Variants in C12orf43 observed in about 807,000 individuals in gnomAD.
The protein encoded by C12orf43 is chromosome 12 open reading frame 43.
C12orf43 carries 15 observed loss-of-function variants against 20.6 expected under a neutral mutation model. That is an observed-to-expected ratio of 0.73 (90% CI 0.49 to 1.12). The LOEUF (loss-of-function observed/expected upper bound fraction) is 1.12. Among genes scored for constraint, C12orf43 ranks in the 50% most tolerant of loss-of-function variants. The pLI is 0.00. For missense variants in C12orf43, 334 were observed against 344.4 expected (o/e 0.97, Z 0.24); for synonymous variants, 144 against 130.8 (o/e 1.10, Z -0.69).
intron 3 of C12orf43, among the ~76,000 whole-genome samples, chr12:121,008,436 A>G (rs900405641): frequency 3.9e-5 from 6 of 152,166 alleles, no homozygotes; most frequent in African/African-American, 1.4e-4. Context: ...CGCCTGGCCT[A>G]AGGTATCATT....
In C12orf43 at chr12:121,006,056, A is replaced by C; in HGVS notation, c.361+265T>G. ...ACATAGCGAGATCCTGTCTCTAAAA[A>C]ACATAAATAATTAGCCAGGGGTGGT... On this transcript the variant is annotated intron_variant, in intron 4 of 5. Coordinates refer to ENST00000288757, the MANE Select transcript of C12orf43 (RefSeq NM_022895.3). 5 of 376,290 alleles carry C rather than the reference A, an allele frequency of 1.3e-5. 1 individual carries two copies. The South Asian group carries it at 1.4e-4, about 11-fold the overall frequency. The allele number at this position is 376,290 out of a possible 1,614,324, so 23.3% of individuals were successfully genotyped here.
Position 121,001,361 on chromosome 12 carries a change from G to C in C12orf43, c.*2792C>G. 1.2e-6 allele frequency: 1 copy of C among 856,146 alleles called. No homozygotes were observed. Among genetic ancestry groups the C allele is most frequent in the East Asian group, 2.7e-5 (1 of 37,426 alleles). 53.0% of individuals were successfully genotyped at this position (856,146 alleles called of 1,614,324 possible). A position where few individuals can be genotyped will look rare whatever the true frequency, so the allele number is the denominator to read the frequency against. On this transcript the variant is annotated 3_prime_UTR_variant, in exon 6 of 6. Transcript: ENST00000288757. ...TGCATCAGAAAGGGAGGGCTCTGAG[G>C]CGCCCCAACCCGTGGAGGCTGCTCG...
chr12:121,009,325 G>A (rs774308389), intron 3 of C12orf43, among the ~76,000 whole-genome samples: 1 of 152,138 alleles, frequency 6.6e-6, no homozygotes, highest in African/African-American at 2.4e-5. Context: ...CGTGGTGGGT[G>A]CGCACCTGTA....
rs1310360658 is a variant in C12orf43 at position 121,001,233 on chromosome 12, G to C, written c.*2920C>G. 3 of 1,610,496 alleles carry C rather than the reference G, an allele frequency of 1.9e-6. No individual in the cohort carries two copies. The highest frequency in any genetic ancestry group is 1.3e-5 in the African/African-American group (1 of 74,986). On this transcript the variant is annotated 3_prime_UTR_variant, in exon 6 of 6. Transcript: ENST00000288757. ...CCTGGGGCCTGTACTGCCTGCTTGG[G>C]GGGTGATGAGGGCAGCAGCCAGCCC...
chr12:121,011,299 TAA>T, intron 1 of C12orf43, 153 bp from the exon 2 acceptor site: 1 of 414,930 alleles, frequency 2.4e-6, no homozygotes, highest in East Asian at 4.0e-5. Context: ...ATATATAACT[TAA>T]AATAGTTATA....
At chr12:121,006,587 A>C (rs1878046234) in intron 3 of C12orf43, 193 bp from the exon 4 acceptor site, 1 of 573,630 alleles carries the variant, frequency 1.7e-6, no homozygotes, top group African/African-American at 1.9e-5. Context: ...GCAGTGCTTC[A>C]TTTCTTTAAA....
In C12orf43 at chr12:121,002,607, GCACCCA is replaced by G. The variant is rs55866833; in HGVS notation, c.*1540_*1545del. On this transcript the variant is annotated 3_prime_UTR_variant, in exon 6 of 6. Coordinates refer to ENST00000288757, the MANE Select transcript of C12orf43 (RefSeq NM_022895.3). Reference sequence around the variant, plus strand: ...GCCTGCGAAGAGGAGACAGGCTCCAGCACCCACGCTCTCACACCCCACATCTCTGCT... The same window carrying G: ...GCCTGCGAAGAGGAGACAGGCTCCAGCGCTCTCACACCCCACATCTCTGCT... The G allele has an allele frequency of 0.03, 11,645 of 391,662 alleles. 530 individuals are homozygous for G. Among genetic ancestry groups the G allele is most frequent in the East Asian group, 0.15 (2,759 of 17,938 alleles). 24.3% of individuals were successfully genotyped at this position (391,662 alleles called of 1,614,324 possible).
At position 121,010,787 on chromosome 12, in the gene C12orf43, A is replaced by G. The variant is rs1878391811; in HGVS notation, c.287+41T>C. 3 of 1,498,202 alleles carry G rather than the reference A, an allele frequency of 2.0e-6. No homozygotes were observed. In the South Asian group the frequency reaches 3.9e-5, roughly 20 times the overall value. The allele number at this position is 1,498,202 out of a possible 1,614,324, so 92.8% of individuals were successfully genotyped here. A position where few individuals can be genotyped will look rare whatever the true frequency, so the allele number is the denominator to read the frequency against. ...GCCAATGTGAGCCATTGCTGTTCAT[A>G]TTAACAAGGGCAAGAGAGGAGAAAC... On this transcript the variant is annotated intron_variant, in intron 3 of 5. Coordinates refer to ENST00000288757, the MANE Select transcript of C12orf43 (RefSeq NM_022895.3).
Position 121,001,168 on chromosome 12 carries a change from C to T in C12orf43, c.*2985G>A, listed in dbSNP as rs1465747582. The T allele has an allele frequency of 1.2e-6, 2 of 1,614,012 alleles. No homozygotes were observed. Among genetic ancestry groups the T allele is most frequent in the African/African-American group, 2.7e-5 (2 of 74,942 alleles). On this transcript the variant is annotated 3_prime_UTR_variant, in exon 6 of 6. Coordinates refer to ENST00000288757, the MANE Select transcript of C12orf43 (RefSeq NM_022895.3). ...GCGTCATCGAGACCTTCATCTCCACCCAGATGGCCTCTTCCTCCCAGTAAC... is the reference window on the plus strand; with the variant it reads ...GCGTCATCGAGACCTTCATCTCCACTCAGATGGCCTCTTCCTCCCAGTAAC...
intron 1 of C12orf43, among the ~76,000 whole-genome samples, chr12:121,013,711 T>C (rs1868609729): frequency 6.6e-6 from 1 of 152,236 alleles, no homozygotes; most frequent in African/African-American, 2.4e-5. Flanking sequence ...TAGTGACCTA[T>C]ATTTCCACAG....
In C12orf43 at chr12:121,001,835, C is replaced by T; in HGVS notation, c.*2318G>A. 1 of 531,702 alleles carries T rather than the reference C, an allele frequency of 1.9e-6. No individual in the cohort carries two copies. Among genetic ancestry groups the T allele is most frequent in the Non-Finnish European group, 3.7e-6 (1 of 273,830 alleles). 32.9% of individuals were successfully genotyped at this position (531,702 alleles called of 1,614,324 possible). A position where few individuals can be genotyped will look rare whatever the true frequency, so the allele number is the denominator to read the frequency against. ...GGCCGAAGCTAACAGGGAAGGCAGG[C>T]AGGGCTCTCCTGGCTTCCCATCCCC... On this transcript the variant is annotated 3_prime_UTR_variant, in exon 6 of 6. Coordinates refer to ENST00000288757, the MANE Select transcript of C12orf43 (RefSeq NM_022895.3).
At position 121,003,394 on chromosome 12, in the gene C12orf43, CTGAAGTCTTGGGTGGGG is replaced by C. The variant is rs1412078477; in HGVS notation, c.*742_*758del. ...TAGTCCACGAGTGCTATGACACTTC[CTGAAGTCTTGGGTGGGG>C]TGAACGCACAAATCCTGGGGGTGTA... On this transcript the variant is annotated 3_prime_UTR_variant, in exon 6 of 6. Coordinates refer to ENST00000288757, the MANE Select transcript of C12orf43 (RefSeq NM_022895.3). 1 of 152,248 alleles carries C rather than the reference CTGAAGTCTTGGGTGGGG, an allele frequency of 6.6e-6. No homozygotes were observed. The highest frequency in any genetic ancestry group is 2.4e-5 in the African/African-American group (1 of 41,432). The allele number at this position is 152,248 out of a possible 1,614,324, so 9.4% of individuals were successfully genotyped here.
intron 4 of C12orf43, 98 bp downstream of exon 4, chr12:121,006,222 AG>A (rs58917833): frequency 0.065 from 28,549 of 436,730 alleles, 708 homozygotes; most frequent in East Asian, 0.19. Context: ...TCTCAAAAAA[AG>A]AAAAAAAAAA....
intron 1 of C12orf43, among the ~76,000 whole-genome samples, chr12:121,011,352 A>G (rs1327172176): frequency 6.7e-6 from 1 of 148,348 alleles, no homozygotes; most frequent in Non-Finnish European, 1.5e-5. Context: ...TTAGTTATAT[A>G]TGTATATAAT....
At chr12:121,011,813 CT>C (rs1043462296) in intron 1 of C12orf43, among the ~76,000 whole-genome samples, 5 of 152,196 alleles carry the variant, frequency 3.3e-5, no homozygotes, top group Non-Finnish European at 7.3e-5. Context: ...GAAGATGGCT[CT>C]TTTGTGGATC....
At position 121,004,328 on chromosome 12, in the gene C12orf43, G is replaced by A. The variant is rs200549335; in HGVS notation, c.614C>T (p.Ser205Leu). 8.8e-5 allele frequency: 142 copies of A among 1,613,926 alleles called. No individual in the cohort carries two copies. Among genetic ancestry groups the A allele is most frequent in the South Asian group, 4.7e-4 (43 of 91,078 alleles). Residue 205 changes from serine (S) to leucine (L), a missense_variant, in exon 6 of 6, where the codon TCG becomes TTG. By Grantham distance (145) the Ser-to-Leu change is moderately radical (BLOSUM62 -2). Coordinates refer to ENST00000288757, the MANE Select transcript of C12orf43 (RefSeq NM_022895.3). This position sits in a 1 kb window ranked among gnomAD's most constrained non-coding sequence, Gnocchi z 5.6. The part of the protein sequence containing the change: ...KKAKKVASVD[S>L]AVAATTPTSM... ...GGTGGGGGTGGTGGCAGCGACAGCC[G>A]AGTCGACACTGGCCACCTTCTTGGC...
chr12:121,013,100 A>G (rs1387911057), intron 1 of C12orf43, among the ~76,000 whole-genome samples: 5 of 152,130 alleles, frequency 3.3e-5, no homozygotes, highest in African/African-American at 1.2e-4. Context: ...ACCCATACAC[A>G]TTGCATCTGT....
Position 121,004,286 on chromosome 12 carries a change from T to G in C12orf43, c.656A>C (p.Gln219Pro). ...GTTGAGCTCACCTGACTTCTGCTTC[T>G]GGACTGTGGCCATGCTGGTGGGGGT... ...ATTPTSMATV[Q>P]KQKSGELNGD... Residue 219 changes from glutamine (Q) to proline (P), a missense_variant, in exon 6 of 6, where the codon CAG becomes CCG. Transcript: ENST00000288757. This position sits in a 1 kb window ranked among gnomAD's most constrained non-coding sequence, Gnocchi z 5.6. 1 of 1,614,238 alleles carries G rather than the reference T, an allele frequency of 6.2e-7. No individual in the cohort carries two copies. Among genetic ancestry groups the G allele is most frequent in the African/African-American group, 1.3e-5 (1 of 75,054 alleles).
chr12:121,001,227 G>A lies in C12orf43; in HGVS notation c.*2926C>T. The A allele has an allele frequency of 6.2e-7, 1 of 1,612,036 alleles. No homozygotes were observed. Among genetic ancestry groups the A allele is most frequent in the African/African-American group, 1.3e-5 (1 of 75,018 alleles). On this transcript the variant is annotated 3_prime_UTR_variant, in exon 6 of 6. Transcript: ENST00000288757. ...CTGGGCCCTGGGGCCTGTACTGCCTGCTTGGGGGGTGATGAGGGCAGCAGC... is the reference window on the plus strand; with the variant it reads ...CTGGGCCCTGGGGCCTGTACTGCCTACTTGGGGGGTGATGAGGGCAGCAGC...
Sources: gnomAD v4.1 joint callset for allele counts (sites outside exome capture counted in the v4.1 genomes callset) on GRCh38, gnomAD v4.1.1 for gene constraint, Gnocchi (gnomAD v3.1) non-coding constraint, MANE v1.5 for transcripts, NCBI Gene and HGNC (gene_info 2026-07-23, HGNC 2026-07-21) for gene names.